Variants in SEL1L3 observed in about 807,000 individuals in gnomAD.
SEL1L3 encodes protein sel-1 homolog 3.
In SEL1L3, 76 loss-of-function variants were observed where a neutral mutation model predicts 142.8. That is an observed-to-expected ratio of 0.53 (90% CI 0.44 to 0.64). The LOEUF (loss-of-function observed/expected upper bound fraction) is 0.64. Ranked by LOEUF, SEL1L3 falls within the 30% of genes least tolerant of loss-of-function variation. The pLI, the probability that SEL1L3 is intolerant of heterozygous loss-of-function variation, is 0.00. For missense variants in SEL1L3, 1,262 were observed against 1,381.7 expected, an observed-to-expected ratio of 0.91 and a Z score of 1.37; for synonymous variants, 504 against 519.6, an observed-to-expected ratio of 0.97 and a Z score of 0.41.
the SEL1L3 span, among the ~76,000 whole-genome samples, chr4:25,741,854 G>T: frequency 1.3e-5 from 2 of 151,234 alleles, no homozygotes; most frequent in African/African-American, 4.9e-5. Context: ...TATTGCCCAG[G>T]CTCAATTGCA....
Position 25,833,090 on chromosome 4 carries a change from G to A in SEL1L3, c.1003C>T (p.His335Tyr), listed in dbSNP as rs988536926. The A allele has an allele frequency of 6.2e-7, 1 of 1,604,174 alleles. No individual in the cohort carries two copies. Among genetic ancestry groups the A allele is most frequent in the East Asian group, 2.2e-5 (1 of 44,818 alleles). Residue 335 changes from histidine (H) to tyrosine (Y), a missense_variant, in exon 5 of 24, where the codon CAT (histidine) becomes TAT (tyrosine). Transcript: ENST00000399878. ...TEEGYLHIQM[H>Y]LVKGEDLAVK... ...GCAAGGTCTTCCCCTTTGACAAGAT[G>A]CATCTGAATATGCAAATAGCCTAAA...
rs376497625 is a variant in SEL1L3, at chr4:25,803,401, T to C, written c.1777-939A>G. 1.5e-4 allele frequency among the ~76,000 whole-genome samples: 23 copies of C among 152,306 alleles called. No homozygotes were observed. The South Asian group carries it at 4.6e-3, about 30-fold the overall frequency. On this transcript the variant is annotated intron_variant, in intron 10 of 23. Transcript: ENST00000399878. ...TAACTGGAAGGGAACATGGAACCATTTGGGCACATCTCAACAGTCTGAGCC... is the reference window on the plus strand; with the variant it reads ...TAACTGGAAGGGAACATGGAACCATCTGGGCACATCTCAACAGTCTGAGCC...
At chr4:25,733,766 C>T in the SEL1L3 span, among the ~76,000 whole-genome samples, 2 of 152,016 alleles carry the variant, frequency 1.3e-5, no homozygotes, top group Non-Finnish European at 2.9e-5. Flanking sequence ...CTCCCACCTC[C>T]GGCCTCCCAA....
chr4:25,832,464 A>G (rs1451450485), intron 5 of SEL1L3, among the ~76,000 whole-genome samples: 1 of 152,370 alleles, frequency 6.6e-6, no homozygotes, highest in African/African-American at 2.4e-5. Context: ...AATGTTTTAT[A>G]CTACAAAGTA....
intron 19 of SEL1L3, 148 bp from the exon 20 acceptor site, chr4:25,765,583 G>C: frequency 1.7e-6 from 1 of 602,826 alleles, no homozygotes; most frequent in Non-Finnish European, 2.9e-6. Flanking sequence ...TGTCAAGAGA[G>C]AAACAAGCAA....
chr4:25,804,815 A>G (rs1370255214), intron 9 of SEL1L3, 63 bp from the exon 10 acceptor site: 1 of 1,221,150 alleles, frequency 8.2e-7, no homozygotes, highest in African/African-American at 1.5e-5. Context: ...TGGCTTTAGA[A>G]AAAGAGGAAA....
At chr4:25,729,663 G>A in the SEL1L3 span, among the ~76,000 whole-genome samples, 2 of 152,152 alleles carry the variant, frequency 1.3e-5, no homozygotes, top group Admixed American at 6.5e-5. Flanking sequence ...GCAGTGAGCC[G>A]AGATCGCGGC....
chr4:25,761,238 G>A (rs992626619), intron 20 of SEL1L3, among the ~76,000 whole-genome samples: 4 of 149,228 alleles, frequency 2.7e-5, no homozygotes, highest in African/African-American at 5.0e-5. Context: ...TCAGTGCATC[G>A]TCCGCCTCCT....
At chr4:25,817,315 C>G (rs568327030) in intron 9 of SEL1L3, among the ~76,000 whole-genome samples, 14 of 152,198 alleles carry the variant, frequency 9.2e-5, no homozygotes, top group Non-Finnish European at 1.5e-4. Flanking sequence ...ATGCCCAGGA[C>G]TACGTGGAGT....
At chr4:25,781,593 A>G (rs1344796322) in intron 15 of SEL1L3, among the ~76,000 whole-genome samples, 1 of 152,156 alleles carries the variant, frequency 6.6e-6, no homozygotes, top group Non-Finnish European at 1.5e-5. Context: ...CATTATTATT[A>G]ATAGAGTGGG....
At chr4:25,851,515 C>T (rs1483281307) in intron 1 of SEL1L3, among the ~76,000 whole-genome samples, 1 of 152,012 alleles carries the variant, frequency 6.6e-6, no homozygotes, top group African/African-American at 2.4e-5. Context: ...GAGAAAGATG[C>T]ACTGTATATC....
At chr4:25,809,308 ATT>A (rs71190851) in intron 9 of SEL1L3, among the ~76,000 whole-genome samples, 95 of 139,236 alleles carry the variant, frequency 6.8e-4, no homozygotes, top group Middle Eastern at 3.7e-3. Context: ...TGCTTGGCTA[ATT>A]TTTTTTTTTT....
intron 2 of SEL1L3, among the ~76,000 whole-genome samples, chr4:25,837,043 G>T (rs764911028): frequency 6.6e-5 from 10 of 151,984 alleles, no homozygotes; most frequent in Non-Finnish European, 1.3e-4. Context: ...CAAAAGAGTG[G>T]AGTTATCAAT....
intron 15 of SEL1L3, 94 bp from the exon 16 acceptor site, chr4:25,779,297 C>T: frequency 7.2e-7 from 1 of 1,397,468 alleles, no homozygotes; most frequent in Non-Finnish European, 9.8e-7. Context: ...GATATGATTA[C>T]AGGCTTATAA....
At chr4:25,801,631 A>G (rs887484466) in intron 11 of SEL1L3, among the ~76,000 whole-genome samples, 1 of 152,108 alleles carries the variant, frequency 6.6e-6, no homozygotes, top group Non-Finnish European at 1.5e-5. Flanking sequence ...TGTCCAATGA[A>G]TCAATAATAT....
At chr4:25,735,862 C>T in the SEL1L3 span, among the ~76,000 whole-genome samples, 1,729 of 125,676 alleles carry the variant, frequency 0.014, 45 homozygotes, top group African/African-American at 0.049. Context: ...TGGAGTCTGG[C>T]TCTGTCGCCC....
chr4:25,729,858 A>C, the SEL1L3 span, among the ~76,000 whole-genome samples: 3 of 152,194 alleles, frequency 2.0e-5, no homozygotes, highest in African/African-American at 4.8e-5. Context: ...TATCATAAGA[A>C]ATCAAGTTCT....
At chr4:25,771,846 C>T (rs1719236307) in intron 17 of SEL1L3, among the ~76,000 whole-genome samples, 1 of 152,128 alleles carries the variant, frequency 6.6e-6, no homozygotes, top group African/African-American at 2.4e-5. Context: ...TTCGAGTGTC[C>T]GAGGACAGCC....
In SEL1L3 at chr4:25,757,515, G is replaced by A. The variant is rs201478492; in HGVS notation, c.3259+19C>T. 2.0e-5 allele frequency: 27 copies of A among 1,368,030 alleles called. No homozygotes were observed. Among genetic ancestry groups the A allele is most frequent in the East Asian group, 2.7e-5 (1 of 37,260 alleles). 84.7% of individuals were successfully genotyped at this position (1,368,030 alleles called of 1,614,324 possible). Reference sequence around the variant, plus strand: ...TTTTTTTTTTTAATATATTGCTTTCGCTTTTTATAAATCTTTACCTGAGAC... The same window carrying A: ...TTTTTTTTTTTAATATATTGCTTTCACTTTTTATAAATCTTTACCTGAGAC... On this transcript the variant is annotated intron_variant, in intron 23 of 23. Coordinates refer to ENST00000399878, the MANE Select transcript of SEL1L3 (RefSeq NM_015187.5).
Sources: gnomAD v4.1 joint callset for allele counts (sites outside exome capture counted in the v4.1 genomes callset) on GRCh38, gnomAD v4.1.1 for gene constraint, MANE v1.5 for transcripts, NCBI Gene and HGNC (gene_info 2026-07-23, HGNC 2026-07-21) for gene names.